Variants in AKAP6 observed in about 807,000 individuals in gnomAD.
The protein encoded by AKAP6 is A-kinase anchoring protein 6.
In AKAP6, 58 loss-of-function variants were observed where a neutral mutation model predicts 188.5. That is an observed-to-expected ratio of 0.31 (90% CI 0.25 to 0.38). The LOEUF (loss-of-function observed/expected upper bound fraction) is 0.38, where lower values mean the gene tolerates loss of function less well. Ranked by LOEUF, AKAP6 falls within the 10% of genes least tolerant of loss-of-function variation. The pLI is 1.00. For synonymous variants in AKAP6, 989 were observed against 998.6 expected (o/e 0.99, Z 0.18); for missense variants, 2,710 against 2,740.0 (o/e 0.99, Z 0.24).
At chr14:32,753,107 T>G (rs997382505) in intron 11 of AKAP6, among the ~76,000 whole-genome samples, 4 of 152,156 alleles carry the variant, frequency 2.6e-5, no homozygotes, top group African/African-American at 9.7e-5. Context: ...CTGCTTTTAA[T>G]TTTTTTAGGA....
chr14:32,606,492 CT>C (rs1188360261), intron 7 of AKAP6, among the ~76,000 whole-genome samples: 1 of 152,200 alleles, frequency 6.6e-6, no homozygotes, highest in African/African-American at 2.4e-5. Flanking sequence ...GGATTTCCCC[CT>C]ATGACTTATC....
rs2140149288 is a variant in AKAP6, at chr14:32,823,281, A to G, written c.5468A>G (p.Asp1823Gly). Residue 1823 changes from aspartate (D) to glycine (G), a missense_variant, in exon 13 of 14, where the codon GAT becomes GGT. Coordinates refer to ENST00000280979, the MANE Select transcript of AKAP6 (RefSeq NM_004274.5). ...GATAAGAAAAGGTGCAATGTCAGTG[A>G]TGAGATGAAGGGCAGTAAAGATATA... ...TRDKKRCNVS[D>G]EMKGSKDISS... 1.9e-6 allele frequency: 3 copies of G among 1,613,854 alleles called. No homozygotes were observed. The South Asian group carries it at 3.3e-5, about 18-fold the overall frequency.
At chr14:32,407,053 C>T (rs1041515324) in intron 1 of AKAP6, among the ~76,000 whole-genome samples, 1 of 152,148 alleles carries the variant, frequency 6.6e-6, no homozygotes, top group African/African-American at 2.4e-5. Context: ...ATTCTCCTTC[C>T]CTGGATGCCT....
intron 9 of AKAP6, among the ~76,000 whole-genome samples, chr14:32,725,908 G>T (rs2030848390): frequency 2.0e-5 from 3 of 152,096 alleles, no homozygotes. Context: ...AAAGTCCTTG[G>T]TTGCTAATGA....
chr14:32,719,991 A>G (rs944410970), intron 9 of AKAP6, among the ~76,000 whole-genome samples: 2 of 152,308 alleles, frequency 1.3e-5, no homozygotes, highest in African/African-American at 2.4e-5. Flanking sequence ...CTGCTGCACA[A>G]CCATACACAT....
At chr14:32,612,303 C>G (rs73259183) in intron 7 of AKAP6, among the ~76,000 whole-genome samples, 2,171 of 152,238 alleles carry the variant, frequency 0.014, 45 homozygotes, top group African/African-American at 0.047. Context: ...GCAACTACCT[C>G]CTAAGCTTTG....
At chr14:32,689,866 A>G (rs1330519945) in intron 8 of AKAP6, among the ~76,000 whole-genome samples, 2 of 152,034 alleles carry the variant, frequency 1.3e-5, no homozygotes, top group Non-Finnish European at 2.9e-5. Context: ...GCCAGAGGCA[A>G]ACTTTCCTAG....
intron 2 of AKAP6, among the ~76,000 whole-genome samples, chr14:32,508,185 G>A (rs1313790415): frequency 6.6e-6 from 1 of 152,184 alleles, no homozygotes. Flanking sequence ...AGTCCTTAAG[G>A]TTGTTCTTAA....
intron 5 of AKAP6, among the ~76,000 whole-genome samples, chr14:32,587,995 C>T (rs1317942012): frequency 6.6e-6 from 1 of 152,094 alleles, no homozygotes; most frequent in African/African-American, 2.4e-5. Flanking sequence ...TATACAACTT[C>T]TATAATTATG....
At chr14:32,768,265 G>A (rs1007271952) in intron 11 of AKAP6, among the ~76,000 whole-genome samples, 1 of 152,100 alleles carries the variant, frequency 6.6e-6, no homozygotes. Flanking sequence ...AACATTATCT[G>A]TACCTGAATA....
intron 12 of AKAP6, among the ~76,000 whole-genome samples, chr14:32,792,519 C>T (rs191852126): frequency 6.6e-6 from 1 of 152,220 alleles, no homozygotes; most frequent in African/African-American, 2.4e-5. Context: ...AGTTTTTGGG[C>T]TGAGACGATG....
intron 12 of AKAP6, among the ~76,000 whole-genome samples, chr14:32,801,526 A>G (rs2033948303): frequency 6.6e-6 from 1 of 152,146 alleles, no homozygotes; most frequent in Admixed American, 6.5e-5. Flanking sequence ...TAATTTAAAC[A>G]GTTTTCTTTT....
intron 2 of AKAP6, among the ~76,000 whole-genome samples, chr14:32,491,719 A>C (rs1236530362): frequency 6.6e-6 from 1 of 152,236 alleles, no homozygotes; most frequent in Non-Finnish European, 1.5e-5. Context: ...TCATTGCCTT[A>C]AAATATATTG....
chr14:32,431,985 G>T (rs1010828390), intron 1 of AKAP6, among the ~76,000 whole-genome samples: 1 of 152,148 alleles, frequency 6.6e-6, no homozygotes, highest in Admixed American at 6.6e-5. Flanking sequence ...TGTATGGAAA[G>T]ATACATGTTT....
At chr14:32,650,145 T>G (rs1888147503) in intron 7 of AKAP6, among the ~76,000 whole-genome samples, 1 of 152,210 alleles carries the variant, frequency 6.6e-6, no homozygotes, top group East Asian at 1.9e-4. Context: ...AGTTCTTCCT[T>G]TCTAAAATGA....
rs925195153 is a variant in AKAP6 at position 32,397,318 on chromosome 14, C to T, written c.-34-36142C>T. 4.0e-5 allele frequency among the ~76,000 whole-genome samples: 6 copies of T among 151,730 alleles called. 1 individual carries two copies. The highest frequency in any genetic ancestry group is 3.9e-4 in the Admixed American group (6 of 15,234). On this transcript the variant is annotated intron_variant, in intron 1 of 13. Transcript: ENST00000280979. ...GGAACAGCCATTGGGCCCCTCAAAG[C>T]AGGTTGAGTAGGTAAACCCACATAA...
At chr14:32,626,080 C>G (rs899822689) in intron 7 of AKAP6, among the ~76,000 whole-genome samples, 2 of 152,062 alleles carry the variant, frequency 1.3e-5, no homozygotes, top group African/African-American at 4.8e-5. Flanking sequence ...TCCCTTATGT[C>G]TTCTCTCATT....
At chr14:32,717,134 G>A (rs1396620245) in intron 9 of AKAP6, among the ~76,000 whole-genome samples, 2 of 150,850 alleles carry the variant, frequency 1.3e-5, no homozygotes, top group Non-Finnish European at 2.9e-5. Context: ...CAGGATTGAT[G>A]GTGCCCAGTG....
intron 11 of AKAP6, among the ~76,000 whole-genome samples, chr14:32,757,706 A>T (rs570291722): frequency 7.2e-5 from 11 of 152,314 alleles, no homozygotes; most frequent in African/African-American, 2.6e-4. Flanking sequence ...TCCTCTTCCA[A>T]GGAACACACA....
Sources: allele counts gnomAD v4.1 joint callset (sites outside exome capture counted in the v4.1 genomes callset), GRCh38; gene constraint gnomAD v4.1.1; transcripts MANE v1.5; gene names NCBI Gene and HGNC (gene_info 2026-07-23, HGNC 2026-07-21).